The following GPC6 variants were observed in gnomAD, a reference collection of about 807,000 sequenced individuals.
GPC6 encodes the protein glypican-6.
GPC6 carries 14 observed loss-of-function variants against 55.2 expected under a neutral mutation model. That is an observed-to-expected ratio of 0.25 (90% CI 0.17 to 0.40). The LOEUF (loss-of-function observed/expected upper bound fraction) is 0.40, where lower values mean the gene tolerates loss of function less well. Among genes scored for constraint, GPC6 ranks in the 10% least tolerant of loss-of-function variants. The pLI is 1.00. For synonymous variants in GPC6, 278 were observed against 259.6 expected (o/e 1.07, Z -0.68); for missense variants, 641 against 708.5 (o/e 0.90, Z 1.08).
chr13:93,952,854 GTATA>G (rs558333691), intron 3 of GPC6, among the ~76,000 whole-genome samples: 1 of 144,206 alleles, frequency 6.9e-6, no homozygotes, highest in Non-Finnish European at 1.5e-5. Flanking sequence ...ATATATATAC[GTATA>G]TATATGTATA....
chr13:94,361,296 A>G (rs1340731559), intron 6 of GPC6, among the ~76,000 whole-genome samples: 1 of 152,226 alleles, frequency 6.6e-6, no homozygotes, highest in Non-Finnish European at 1.5e-5. Context: ...TACTACCTGC[A>G]TAGTTGCACA....
At chr13:94,392,918 T>TTTAA (rs201621336) in intron 7 of GPC6, among the ~76,000 whole-genome samples, 8,869 of 152,162 alleles carry the variant, frequency 0.058, 361 homozygotes, top group Non-Finnish European at 0.093. Flanking sequence ...CGGCCCTGTT[T>TTTAA]TTAATTTTTT....
chr13:93,761,684 A>C lies in GPC6; in HGVS notation c.320-68470A>C, dbSNP rs568381834. Among the ~76,000 whole-genome samples, 11 of 152,160 alleles carry C rather than the reference A, an allele frequency of 7.2e-5. No homozygotes were observed. The South Asian group carries it at 2.3e-3, about 32-fold the overall frequency. The stretch of plus-strand genomic sequence containing the variant: ...CACACCGGGCTAATTTTTTAAAATT[A>C]TTGTTTGTAGAGACAGGGTATTGCT... On this transcript the variant is annotated intron_variant, in intron 2 of 8. Transcript: ENST00000377047.
At chr13:93,226,062 A>G (rs548497766), upstream of GPC6, among the ~76,000 whole-genome samples, 5 of 152,278 alleles carry the variant, frequency 3.3e-5, no homozygotes, top group South Asian at 1.0e-3. Context: ...GTGTAAATGG[A>G]GACAGGAAGA....
At chr13:93,340,325 T>C (rs1050545581) in intron 1 of GPC6, among the ~76,000 whole-genome samples, 8 of 152,148 alleles carry the variant, frequency 5.3e-5, no homozygotes, top group African/African-American at 1.9e-4. Flanking sequence ...TGAGCCACCG[T>C]GCCCGGCCCA....
intron 4 of GPC6, among the ~76,000 whole-genome samples, chr13:94,076,204 C>T (rs1884910843): frequency 6.6e-6 from 1 of 151,528 alleles, no homozygotes; most frequent in Admixed American, 6.6e-5. Context: ...ATTAAATTTC[C>T]CTGATGACTA....
chr13:94,313,557 G>A (rs1876367779), intron 6 of GPC6, among the ~76,000 whole-genome samples: 1 of 152,132 alleles, frequency 6.6e-6, no homozygotes, highest in Non-Finnish European at 1.5e-5. Flanking sequence ...CACTCACTCT[G>A]GCTACGTAAC....
intron 4 of GPC6, among the ~76,000 whole-genome samples, chr13:94,030,707 A>G (rs550142283): frequency 1.3e-5 from 2 of 152,164 alleles, no homozygotes; most frequent in African/African-American, 2.4e-5. Flanking sequence ...AGTTGCATGT[A>G]CCTTCCCTGC....
intron 1 of GPC6, among the ~76,000 whole-genome samples, chr13:93,334,324 G>A (rs1375288922): frequency 6.6e-6 from 1 of 151,936 alleles, no homozygotes; most frequent in African/African-American, 2.4e-5. Context: ...GGTTTTTCAT[G>A]GCCCTTTACT....
At chr13:94,100,720 G>T (rs1325636799) in intron 4 of GPC6, among the ~76,000 whole-genome samples, 1 of 149,548 alleles carries the variant, frequency 6.7e-6, no homozygotes, top group Admixed American at 6.8e-5. Context: ...GAATTAGTGG[G>T]TGATAGAAAG....
At chr13:93,231,346 C>CATATATATACGTATAT (rs1876011278) in intron 1 of GPC6, among the ~76,000 whole-genome samples, 17 of 24,106 alleles carry the variant, frequency 7.1e-4, no homozygotes, top group African/African-American at 2.7e-3. Flanking sequence ...TATATATATA[C>CATATATATACGTATAT]ATATATATAT....
intron 3 of GPC6, among the ~76,000 whole-genome samples, chr13:93,835,149 G>A (rs1334093095): frequency 6.6e-6 from 1 of 152,168 alleles, no homozygotes; most frequent in Admixed American, 6.5e-5. Flanking sequence ...ACACTAAGAA[G>A]ACATGACTTT....
chr13:93,717,106 A>G (rs1883277051), intron 2 of GPC6, among the ~76,000 whole-genome samples: 1 of 151,692 alleles, frequency 6.6e-6, no homozygotes. Flanking sequence ...CTAAGGATGC[A>G]TTACTCAAAA....
intron 5 of GPC6, among the ~76,000 whole-genome samples, chr13:94,292,210 G>C (rs1875023399): frequency 6.6e-6 from 1 of 152,208 alleles, no homozygotes; most frequent in African/African-American, 2.4e-5. Flanking sequence ...ACGGTGCAAA[G>C]GGTAGAAGAG....
At chr13:93,667,350 A>G (rs1881180832) in intron 2 of GPC6, among the ~76,000 whole-genome samples, 1 of 152,154 alleles carries the variant, frequency 6.6e-6, no homozygotes, top group Non-Finnish European at 1.5e-5. Flanking sequence ...GAGAGAGAGA[A>G]AAATCCATGG....
chr13:93,599,936 A>G (rs7320673), intron 2 of GPC6, among the ~76,000 whole-genome samples: 15,608 of 152,162 alleles, frequency 0.1, 2,633 homozygotes, highest in African/African-American at 0.35. Flanking sequence ...AGCTCCTTCC[A>G]TGTTAACCTA....
At chr13:94,270,964 A>ATTTTTTTTTTTTTT (rs764819082) in intron 4 of GPC6, among the ~76,000 whole-genome samples, 1 of 49,672 alleles carries the variant, frequency 2.0e-5, no homozygotes, top group Non-Finnish European at 3.7e-5. Flanking sequence ...GAGAAGTATA[A>ATTTTTTTTTTTTTT]TTTTTTTTTT....
intron 2 of GPC6, among the ~76,000 whole-genome samples, chr13:93,746,695 G>A (rs1884411877): frequency 6.6e-6 from 1 of 152,162 alleles, no homozygotes; most frequent in Non-Finnish European, 1.5e-5. Flanking sequence ...CTATAGCATA[G>A]CAGCAATATG....
intron 4 of GPC6, among the ~76,000 whole-genome samples, chr13:94,218,378 C>T (rs975312668): frequency 6.6e-6 from 1 of 152,144 alleles, no homozygotes; most frequent in African/African-American, 2.4e-5. Flanking sequence ...GATACAGAAG[C>T]AACTGCTTGA....
Sources: allele counts gnomAD v4.1 joint callset (sites outside exome capture counted in the v4.1 genomes callset), GRCh38; gene constraint gnomAD v4.1.1; transcripts MANE v1.5; gene names NCBI Gene and HGNC (gene_info 2026-07-23, HGNC 2026-07-21).